Variants in GRID1 observed in about 807,000 individuals in gnomAD.
The protein encoded by GRID1 is glutamate ionotropic receptor delta type subunit 1.
In GRID1, 28 loss-of-function variants were observed where a neutral mutation model predicts 98.0. The ratio of observed to expected loss-of-function variants is 0.29; its 90% CI spans 0.21 to 0.39. GRID1 has a LOEUF of 0.39. Ranked by LOEUF, GRID1 falls within the 10% of genes least tolerant of loss-of-function variation. GRID1 has a pLI of 1.00. For synonymous variants in GRID1, 553 were observed against 538.5 expected, an observed-to-expected ratio of 1.03 and a Z score of -0.37; for missense variants, 1,111 against 1,340.5, an observed-to-expected ratio of 0.83 and a Z score of 2.67.
chr10:85,967,697 A>G (rs1294712041), intron 4 of GRID1, among the ~76,000 whole-genome samples: 3 of 152,228 alleles, frequency 2.0e-5, no homozygotes, highest in Admixed American at 2.0e-4. Flanking sequence ...AGCTCAATCA[A>G]TGCTAAGAAG....
At chr10:86,331,571 AGGG>A (rs1439919295) in intron 2 of GRID1, among the ~76,000 whole-genome samples, 1 of 152,232 alleles carries the variant, frequency 6.6e-6, no homozygotes, top group Non-Finnish European at 1.5e-5. Context: ...TCCACTGGAC[AGGG>A]CTGGAGAGAC....
intron 2 of GRID1, among the ~76,000 whole-genome samples, chr10:86,212,058 C>T (rs1191450993): frequency 6.6e-6 from 1 of 152,242 alleles, no homozygotes; most frequent in Non-Finnish European, 1.5e-5. Context: ...ATTGAGGTCA[C>T]TCTAGGCGCC....
intron 8 of GRID1, among the ~76,000 whole-genome samples, chr10:85,795,072 T>G (rs1842514254): frequency 6.6e-6 from 1 of 152,200 alleles, no homozygotes; most frequent in African/African-American, 2.4e-5. Flanking sequence ...CTGTAAATAT[T>G]AGGAATTTCC....
At chr10:85,789,020 GA>G (rs200059176) in intron 8 of GRID1, among the ~76,000 whole-genome samples, 8 of 151,534 alleles carry the variant, frequency 5.3e-5, no homozygotes, top group Admixed American at 1.3e-4. Context: ...GATTAAGAGG[GA>G]AAAAAAACAA....
intron 4 of GRID1, among the ~76,000 whole-genome samples, chr10:85,951,613 C>A (rs916305068): frequency 2.0e-5 from 3 of 152,200 alleles, no homozygotes; most frequent in Non-Finnish European, 4.4e-5. Flanking sequence ...AGTTTCATTG[C>A]ACATTATCTC....
intron 4 of GRID1, among the ~76,000 whole-genome samples, chr10:85,993,939 C>G (rs533713867): frequency 6.6e-6 from 1 of 152,078 alleles, no homozygotes; most frequent in East Asian, 1.9e-4. Context: ...CATGTCCAAG[C>G]CCTGTCAGGC....
chr10:86,121,947 T>C lies in GRID1; in HGVS notation c.726+16872A>G, dbSNP rs540592416. On this transcript the variant is annotated intron_variant, in intron 4 of 15. Coordinates refer to ENST00000327946, the MANE Select transcript of GRID1 (RefSeq NM_017551.3). Reference sequence around the variant, plus strand: ...CCCTCAAGCCTGCTCCTTACCTTGATTGCTTTAGAAACGTTCCACTGGATA... The same window carrying C: ...CCCTCAAGCCTGCTCCTTACCTTGACTGCTTTAGAAACGTTCCACTGGATA... 3.9e-5 allele frequency among the ~76,000 whole-genome samples: 6 copies of C among 152,294 alleles called. 1 individual carries two copies. In the South Asian group the frequency reaches 1.2e-3, roughly 32 times the overall value.
intron 4 of GRID1, among the ~76,000 whole-genome samples, chr10:85,947,196 C>T (rs61422477): frequency 0.094 from 14,261 of 152,102 alleles, 709 homozygotes; most frequent in East Asian, 0.18. Flanking sequence ...AGTTCCGCTG[C>T]AGTCAAAAAA....
chr10:86,188,757 G>C (rs1321471165), intron 3 of GRID1, among the ~76,000 whole-genome samples: 3 of 152,174 alleles, frequency 2.0e-5, no homozygotes, highest in African/African-American at 7.2e-5. Context: ...AATGTGCTAG[G>C]CACATCAGTA....
chr10:85,683,229 A>T (rs1841231076), intron 12 of GRID1, among the ~76,000 whole-genome samples: 1 of 152,176 alleles, frequency 6.6e-6, no homozygotes, highest in African/African-American at 2.4e-5. Context: ...TAGAAACATA[A>T]AATTTCACTG....
rs781641678 is a variant in GRID1 at position 85,602,362 on chromosome 10, C to T, written c.2941G>A (p.Val981Met). ...AAGGACATGGGGATGGGGGTCTTCA[C>T]CGGGCTCTGCCGGAACAGCCCCCCG... is the stretch of plus-strand genomic sequence containing the variant. ...PNGGLFRQSP[V>M]KTPIPMSFQP... The change falls in exon 16 of 16, where the codon GTG (valine) becomes ATG (methionine). Residue 981 changes from valine (V) to methionine (M), a missense_variant. By Grantham distance (21) the Val-to-Met change is conservative. Coordinates refer to ENST00000327946, the MANE Select transcript of GRID1 (RefSeq NM_017551.3). 3.1e-6 allele frequency: 5 copies of T among 1,599,656 alleles called. No homozygotes were observed. The South Asian group carries it at 3.4e-5, about 11-fold the overall frequency.
intron 8 of GRID1, among the ~76,000 whole-genome samples, chr10:85,737,213 T>C (rs1841891538): frequency 6.6e-6 from 1 of 152,002 alleles, no homozygotes; most frequent in Non-Finnish European, 1.5e-5. Flanking sequence ...TAAAAACAAG[T>C]CCTAGAAGGA....
chr10:86,114,075 C>T (rs1434947598), intron 4 of GRID1, among the ~76,000 whole-genome samples: 1 of 152,036 alleles, frequency 6.6e-6, no homozygotes, highest in Non-Finnish European at 1.5e-5. Context: ...TCCTCCATCT[C>T]GGTGGGATCA....
rs1011651029 is a variant in GRID1, at chr10:86,365,630, T to C, written c.79+684A>G. The stretch of plus-strand genomic sequence containing the variant: ...CCAAGACTTGGACCACGCAAAACTC[T>C]AGGACTGTCCAGGATGGGGATGCAG... On this transcript the variant is annotated intron_variant, in intron 1 of 15. Transcript: ENST00000327946. The surrounding 1 kb of genome is among the most constrained non-coding windows in gnomAD (Gnocchi z 4.8). Among the ~76,000 whole-genome samples the C allele has an allele frequency of 4.1e-5, 6 of 146,908 alleles. No individual in the cohort carries two copies. Among genetic ancestry groups the C allele is most frequent in the African/African-American group, 1.3e-4 (5 of 39,238 alleles).
chr10:85,717,722 A>C (rs2132644214), intron 12 of GRID1, among the ~76,000 whole-genome samples: 1 of 152,320 alleles, frequency 6.6e-6, no homozygotes, highest in African/African-American at 2.4e-5. Context: ...TTAATCCAAA[A>C]GTTCACAGTC....
intron 2 of GRID1, among the ~76,000 whole-genome samples, chr10:86,326,870 T>C: frequency 6.6e-6 from 1 of 152,208 alleles, no homozygotes; most frequent in African/African-American, 2.4e-5. Context: ...GCGCAATGGT[T>C]CGCACCTGTA....
chr10:86,079,388 G>A (rs1270380511), intron 4 of GRID1, among the ~76,000 whole-genome samples: 1 of 152,096 alleles, frequency 6.6e-6, no homozygotes, highest in African/African-American at 2.4e-5. Context: ...CGAGTCCCTG[G>A]GGCTCCTCAC....
intron 2 of GRID1, among the ~76,000 whole-genome samples, chr10:86,221,015 C>T (rs887797419): frequency 8.5e-5 from 13 of 152,168 alleles, no homozygotes; most frequent in Admixed American, 6.5e-5. Context: ...AAAGCCATCA[C>T]GACATAAGCC....
chr10:86,294,343 G>C (rs143081472), intron 2 of GRID1, among the ~76,000 whole-genome samples: 18 of 152,354 alleles, frequency 1.2e-4, no homozygotes, highest in African/African-American at 3.8e-4. Context: ...GATGGGAGCT[G>C]TTGGGAGCTT....
Sources: allele counts gnomAD v4.1 joint callset (sites outside exome capture counted in the v4.1 genomes callset), GRCh38; gene constraint gnomAD v4.1.1; non-coding constraint Gnocchi (gnomAD v3.1); transcripts MANE v1.5; gene names NCBI Gene and HGNC (gene_info 2026-07-23, HGNC 2026-07-21).